The following PRKAA1 variants were observed in gnomAD, a reference collection of about 807,000 sequenced individuals.
PRKAA1 encodes the protein protein kinase AMP-activated catalytic subunit alpha 1.
In PRKAA1, 23 loss-of-function variants were observed where a neutral mutation model predicts 56.9. That is an observed-to-expected ratio of 0.40 (90% CI 0.29 to 0.57). PRKAA1 has a LOEUF of 0.57. Ranked by LOEUF, PRKAA1 falls within the 20% of genes least tolerant of loss-of-function variation. The pLI is 0.39. For missense variants in PRKAA1, 413 were observed against 679.7 expected, an observed-to-expected ratio of 0.61 and a Z score of 4.36; for synonymous variants, 226 against 227.0, an observed-to-expected ratio of 1.00 and a Z score of 0.04.
In PRKAA1 at chr5:40,762,563, T is replaced by C. The variant is rs1743239980; in HGVS notation, c.*215A>G. On this transcript the variant is annotated 3_prime_UTR_variant, in exon 9 of 9. Coordinates refer to ENST00000397128, the MANE Select transcript of PRKAA1 (RefSeq NM_006251.6). Reference sequence around the variant, plus strand: ...ATAATTCACTGTGTATATTATGCTATATACATACTGCACAATGAACAACAA... The same window carrying C: ...ATAATTCACTGTGTATATTATGCTACATACATACTGCACAATGAACAACAA... 1.8e-6 allele frequency: 1 copy of C among 570,884 alleles called. No individual in the cohort carries two copies. The highest frequency in any genetic ancestry group is 3.0e-6 in the Non-Finnish European group (1 of 333,814). 35.4% of individuals were successfully genotyped at this position (570,884 alleles called of 1,614,324 possible).
chr5:40,794,342 G>GT (rs1561191530), intron 1 of PRKAA1, among the ~76,000 whole-genome samples: 1 of 152,042 alleles, frequency 6.6e-6, no homozygotes, highest in Non-Finnish European at 1.5e-5. Context: ...GGGACTATTT[G>GT]TTTTTTCTTA....
intron 6 of PRKAA1, 112 bp downstream of exon 6, chr5:40,767,354 T>C: frequency 1.2e-6 from 1 of 845,488 alleles, no homozygotes; most frequent in South Asian, 1.8e-5. Context: ...CTCTATTTTT[T>C]TCACATAAAA....
At chr5:40,786,767 C>T (rs958830046) in intron 1 of PRKAA1, among the ~76,000 whole-genome samples, 3 of 137,674 alleles carry the variant, frequency 2.2e-5, no homozygotes, top group African/African-American at 8.3e-5. Flanking sequence ...ATGGTGAAAC[C>T]CTGTCTCTAC....
At chr5:40,792,144 A>C (rs1266979054) in intron 1 of PRKAA1, among the ~76,000 whole-genome samples, 1 of 152,214 alleles carries the variant, frequency 6.6e-6, no homozygotes, top group African/African-American at 2.4e-5. Flanking sequence ...GACATACTCT[A>C]TATATAAAAG....
chr5:40,797,049 CAA>C (rs1561193749), intron 1 of PRKAA1, among the ~76,000 whole-genome samples: 1 of 151,998 alleles, frequency 6.6e-6, no homozygotes, highest in East Asian at 1.9e-4. Flanking sequence ...GACTGTAGAG[CAA>C]GTTTATTTCC....
chr5:40,766,390 C>G lies in PRKAA1; in HGVS notation c.821+1076G>C, dbSNP rs116197097. Among the ~76,000 whole-genome samples the G allele has an allele frequency of 4.7e-3, 715 of 152,152 alleles. 10 individuals are homozygous for G. Among genetic ancestry groups the G allele is most frequent in the African/African-American group, 0.017 (690 of 41,492 alleles). Reference sequence around the variant, plus strand: ...TAGAAGACCAAAAGGACCAAAATTTCCACAGGGGGGAAAAAAAAGAAACAA... The same window carrying G: ...TAGAAGACCAAAAGGACCAAAATTTGCACAGGGGGGAAAAAAAAGAAACAA... On this transcript the variant is annotated intron_variant, in intron 6 of 8. Transcript: ENST00000397128.
At chr5:40,774,276 T>C (rs1257712421) in intron 3 of PRKAA1, among the ~76,000 whole-genome samples, 1 of 152,126 alleles carries the variant, frequency 6.6e-6, no homozygotes, top group African/African-American at 2.4e-5. Context: ...GCACAGAAGG[T>C]ACAGAACAAG....
intron 1 of PRKAA1, among the ~76,000 whole-genome samples, chr5:40,792,145 T>C (rs1744743429): frequency 6.6e-6 from 1 of 152,234 alleles, no homozygotes. Flanking sequence ...ACATACTCTA[T>C]ATATAAAAGC....
intron 6 of PRKAA1, 110 bp downstream of exon 6, chr5:40,767,355 TC>T: frequency 3.8e-5 from 32 of 847,438 alleles, no homozygotes; most frequent in East Asian, 5.2e-5. Context: ...TCTATTTTTT[TC>T]ACATAAAAAC....
chr5:40,797,939 G>C, intron 1 of PRKAA1, 124 bp downstream of exon 1: 1 of 1,472,348 alleles, frequency 6.8e-7, no homozygotes, highest in Non-Finnish European at 9.1e-7. Context: ...GCAGGATCCG[G>C]GACAGGGGCT....
chr5:40,777,685 G>A (rs2112042313), intron 1 of PRKAA1, 99 bp from the exon 2 acceptor site: 2 of 1,210,458 alleles, frequency 1.7e-6, no homozygotes, highest in South Asian at 3.2e-5. Flanking sequence ...TGTAATCCCA[G>A]CACTTTGGGA....
chr5:40,794,305 A>G (rs910255181), intron 1 of PRKAA1, among the ~76,000 whole-genome samples: 2 of 152,064 alleles, frequency 1.3e-5, no homozygotes, highest in African/African-American at 4.8e-5. Flanking sequence ...AGAACTGTCT[A>G]TTCATATCCT....
At chr5:40,766,521 C>A (rs1332885931) in intron 6 of PRKAA1, among the ~76,000 whole-genome samples, 1 of 151,950 alleles carries the variant, frequency 6.6e-6, no homozygotes, top group Admixed American at 6.6e-5. Flanking sequence ...TTAGGTTGAA[C>A]CAGATGAAAC....
chr5:40,768,460 C>G (rs1743574212), intron 5 of PRKAA1: 1 of 927,936 alleles, frequency 1.1e-6, no homozygotes, highest in African/African-American at 1.8e-5. Context: ...TGTTTTATTC[C>G]TAAAAGAATT....
At chr5:40,770,477 A>C (rs1743685075) in intron 4 of PRKAA1, among the ~76,000 whole-genome samples, 1 of 151,934 alleles carries the variant, frequency 6.6e-6, no homozygotes, top group South Asian at 2.1e-4. Flanking sequence ...AAAAACAAAC[A>C]AAAAAAAGTT....
chr5:40,777,759 C>G (rs929400450), intron 1 of PRKAA1, among the ~76,000 whole-genome samples, 173 bp from the exon 2 acceptor site: 5 of 151,048 alleles, frequency 3.3e-5, no homozygotes. Context: ...CATGGCAAAA[C>G]CCCATCTCTA....
At chr5:40,769,257 T>C (rs1304876833) in intron 5 of PRKAA1, among the ~76,000 whole-genome samples, 159 bp downstream of exon 5, 1 of 152,218 alleles carries the variant, frequency 6.6e-6, no homozygotes, top group East Asian at 1.9e-4. Context: ...TAATGTTGAC[T>C]TGTAGTCCTT....
intron 5 of PRKAA1, 68 bp downstream of exon 5, chr5:40,769,348 G>A: frequency 8.0e-7 from 1 of 1,246,404 alleles, no homozygotes; most frequent in Non-Finnish European, 1.2e-6. Context: ...TGACACTATA[G>A]ACTAACAAAA....
rs370427589 is a variant in PRKAA1, at chr5:40,763,056, A to G, written c.1436-34T>C. On this transcript the variant is annotated intron_variant, in intron 8 of 8. Coordinates refer to ENST00000397128, the MANE Select transcript of PRKAA1 (RefSeq NM_006251.6). ...AAAGAATTTCAATTTATTATAGTCT[A>G]TGACCTTCTCCCAAAAATTTTTGTA... The G allele has an allele frequency of 5.6e-5, 90 of 1,600,660 alleles. No individual in the cohort carries two copies. The African/African-American group carries it at 1.2e-3, about 21-fold the overall frequency.
Sources: allele counts gnomAD v4.1 joint callset (sites outside exome capture counted in the v4.1 genomes callset), GRCh38; gene constraint gnomAD v4.1.1; transcripts MANE v1.5; gene names NCBI Gene and HGNC (gene_info 2026-07-23, HGNC 2026-07-21).